CCDC144A: variants seen among roughly 807,000 people sequenced by gnomAD.
CCDC144A encodes the protein coiled-coil domain containing 144A, also known as coiled-coil domain-containing protein 144A.
A neutral mutation model predicts 143.8 loss-of-function variants in CCDC144A; 41 were observed. That is an observed-to-expected ratio of 0.29 (90% CI 0.22 to 0.37). The LOEUF (loss-of-function observed/expected upper bound fraction) is 0.37. CCDC144A is among the 10% of genes least tolerant of loss of function. The pLI is 1.00. For synonymous variants in CCDC144A, 242 were observed against 517.9 expected, an observed-to-expected ratio of 0.47 and a Z score of 7.23; for missense variants, 637 against 1,488.8, an observed-to-expected ratio of 0.43 and a Z score of 9.41.
chr17:16,772,078 C>T, intron 16 of CCDC144A, 59 bp downstream of exon 16: 1 of 1,208,964 alleles, frequency 8.3e-7, no homozygotes, highest in African/African-American at 1.6e-5. Context: ...CTGAAATAAA[C>T]TGCAAACGAC....
the CCDC144A span, among the ~76,000 whole-genome samples, chr17:16,672,228 T>A: frequency 6.6e-6 from 1 of 152,126 alleles, no homozygotes; most frequent in African/African-American, 2.4e-5. Context: ...ATGTGTGACA[T>A]CAATTGCACA....
chr17:16,673,171 T>C, the CCDC144A span, among the ~76,000 whole-genome samples: 2 of 151,942 alleles, frequency 1.3e-5, no homozygotes, highest in Admixed American at 1.3e-4. Flanking sequence ...TCTCAGTAAA[T>C]GAGAACAGTT....
rs1915493425 is a variant in CCDC144A at position 16,764,062 on chromosome 17, G to C, written c.3985G>C (p.Val1329Leu). ...ATTCACTGCTTATGCTACAAGGCCAGTCCTAGAGTCACCTTGCGTTGGAAA... is the reference window on the plus strand; with the variant it reads ...ATTCACTGCTTATGCTACAAGGCCACTCCTAGAGTCACCTTGCGTTGGAAA... Reference protein sequence around the residue: ...SLFTAYATRPVLESPCVGNLN... With the variant: ...SLFTAYATRPLLESPCVGNLN... The change falls in exon 15 of 17, where the codon GTC becomes CTC. Residue 1329 changes from valine (V) to leucine (L), a missense_variant. Val to Leu is a conservative substitution (Grantham distance 32, BLOSUM62 1). Coordinates refer to ENST00000399273, the MANE Select transcript of CCDC144A (RefSeq NM_001382000.1). 1 of 1,613,758 alleles carries C rather than the reference G, an allele frequency of 6.2e-7. No individual in the cohort carries two copies. Among genetic ancestry groups the C allele is most frequent in the East Asian group, 2.2e-5 (1 of 44,862 alleles).
At chr17:16,712,160 AC>A (rs1912492402) in intron 6 of CCDC144A, 1 of 233,718 alleles carries the variant, frequency 4.3e-6, no homozygotes, top group Admixed American at 5.2e-5. Context: ...AGAAACAAAA[AC>A]AAAAAACAGG....
intron 8 of CCDC144A, among the ~76,000 whole-genome samples, chr17:16,724,462 A>AT (rs1913273437): frequency 6.7e-6 from 1 of 150,288 alleles, no homozygotes; most frequent in Non-Finnish European, 1.5e-5. Flanking sequence ...GTGAGCCGAG[A>AT]TCCCGCCACT....
At chr17:16,733,099 C>T (rs1453917175) in intron 11 of CCDC144A, among the ~76,000 whole-genome samples, 4 of 151,814 alleles carry the variant, frequency 2.6e-5, no homozygotes, top group Non-Finnish European at 5.9e-5. Context: ...AGAGGCCGTA[C>T]TTCAGATGCC....
At chr17:16,699,490 C>T (rs1911603512) in intron 2 of CCDC144A, among the ~76,000 whole-genome samples, 1 of 71,466 alleles carries the variant, frequency 1.4e-5, no homozygotes, top group South Asian at 6.0e-4. Flanking sequence ...ATTCTCCTGC[C>T]TCAGCCTCCT....
the CCDC144A span, among the ~76,000 whole-genome samples, chr17:16,667,293 GC>G: frequency 6.6e-6 from 1 of 150,966 alleles, no homozygotes; most frequent in African/African-American, 2.4e-5. Context: ...AGGGGTTGAG[GC>G]GGCTGAGGCG....
the CCDC144A span, among the ~76,000 whole-genome samples, chr17:16,682,734 A>G: frequency 6.6e-6 from 1 of 152,014 alleles, no homozygotes; most frequent in Admixed American, 6.6e-5. Context: ...ACATAAATTA[A>G]GACAAAGGCT....
At chr17:16,720,448 C>T in intron 7 of CCDC144A, 69 bp from the exon 8 acceptor site, 1 of 1,531,990 alleles carries the variant, frequency 6.5e-7, no homozygotes, top group Non-Finnish European at 8.8e-7. Flanking sequence ...AGAAATACCG[C>T]TTCTGTACCT....
In CCDC144A at chr17:16,690,573, T is replaced by C; in HGVS notation, c.173T>C (p.Val58Ala). The C allele has an allele frequency of 1.2e-6, 2 of 1,613,734 alleles. No individual in the cohort carries two copies. Among genetic ancestry groups the C allele is most frequent in the Non-Finnish European group, 1.7e-6 (2 of 1,179,832 alleles). ...CCCTACAGCTGGTGGAAAAACAGCG[T>C]CGGCAGCGAGAGCAAGCACGGTGAG... ...GFPYSWWKNS[V>A]GSESKHGEGA... Residue 58 changes from valine to alanine, a missense_variant, in exon 1 of 17, where the codon GTC (valine) becomes GCC (alanine). Transcript: ENST00000399273.
At chr17:16,732,748 C>G (rs552227321) in intron 11 of CCDC144A, 82 bp downstream of exon 11, 3 of 929,858 alleles carry the variant, frequency 3.2e-6, no homozygotes, top group East Asian at 6.2e-5. Flanking sequence ...TTGGAAAGTA[C>G]AATGGATTTT....
the CCDC144A span, among the ~76,000 whole-genome samples, chr17:16,668,213 A>G: frequency 6.6e-6 from 1 of 150,790 alleles, no homozygotes; most frequent in African/African-American, 2.4e-5. Flanking sequence ...TGATTTCTCC[A>G]CGTTCATTAA....
rs2621675 is a variant in CCDC144A at position 16,690,625 on chromosome 17, C to T, written c.225C>T (p.Asp75=). 10 of 1,613,632 alleles carry T rather than the reference C, an allele frequency of 6.2e-6. 1 individual carries two copies. Among genetic ancestry groups the T allele is most frequent in the African/African-American group, 5.3e-5 (4 of 74,920 alleles). ...GCGCCTTAGACCAGCCCCAGCACGA[C>T]GTCCGCCTGGAAGATCTTGGCGAGC... ...GEGALDQPQH[D]VRLEDLGELH... Residue 75 remains aspartate (D), a synonymous_variant, in exon 1 of 17, where the codon GAC becomes GAT. Transcript: ENST00000399273.
intron 12 of CCDC144A, among the ~76,000 whole-genome samples, chr17:16,758,397 C>T (rs1194735270): frequency 1.3e-5 from 2 of 152,222 alleles, no homozygotes; most frequent in Non-Finnish European, 2.9e-5. Flanking sequence ...GGGATGCACC[C>T]TGGGTTGTGG....
intron 12 of CCDC144A, among the ~76,000 whole-genome samples, chr17:16,752,958 T>G (rs1597584541): frequency 9.4e-6 from 1 of 106,132 alleles, no homozygotes; most frequent in East Asian, 3.6e-4. Context: ...CTCTTGCCAG[T>G]TCAGATGTCT....
chr17:16,771,565 G>A (rs1434082140), intron 15 of CCDC144A, among the ~76,000 whole-genome samples: 1 of 152,240 alleles, frequency 6.6e-6, no homozygotes, highest in Non-Finnish European at 1.5e-5. Flanking sequence ...TGGAGAATGG[G>A]GAGTTCATTG....
chr17:16,680,229 G>A, the CCDC144A span, among the ~76,000 whole-genome samples: 2 of 151,926 alleles, frequency 1.3e-5, no homozygotes, highest in African/African-American at 4.8e-5. Context: ...AGGCATTCGA[G>A]ACCAGCCTGG....
chr17:16,752,306 G>A (rs1175820961), intron 12 of CCDC144A, among the ~76,000 whole-genome samples: 1 of 152,114 alleles, frequency 6.6e-6, no homozygotes, highest in African/African-American at 2.4e-5. Context: ...CAGTTCCATC[G>A]CGAAACCATC....
Sources: allele counts gnomAD v4.1 joint callset (sites outside exome capture counted in the v4.1 genomes callset), GRCh38; gene constraint gnomAD v4.1.1; transcripts MANE v1.5; gene names NCBI Gene and HGNC (gene_info 2026-07-23, HGNC 2026-07-21).